Variants in RTEL1 observed in about 807,000 individuals in gnomAD.
RTEL1 encodes regulator of telomere elongation helicase 1.
RTEL1 carries 86 observed loss-of-function variants against 162.2 expected under a neutral mutation model. The ratio of observed to expected loss-of-function variants is 0.53; its 90% CI spans 0.45 to 0.63. The LOEUF (loss-of-function observed/expected upper bound fraction) is 0.63, where lower values mean the gene tolerates loss of function less well. Ranked by LOEUF, RTEL1 falls within the 30% of genes least tolerant of loss-of-function variation. The pLI is 0.00. For synonymous variants in RTEL1, 958 were observed against 717.9 expected (o/e 1.33, Z -5.35); for missense variants, 1,941 against 1,750.2 (o/e 1.11, Z -1.95).
At chr20:63,667,867 C>T (rs2146177370) in intron 8 of RTEL1, among the ~76,000 whole-genome samples, 1 of 152,192 alleles carries the variant, frequency 6.6e-6, no homozygotes, top group East Asian at 1.9e-4. Flanking sequence ...TCACGTCAGG[C>T]CATGGGAGGC....
intron 8 of RTEL1, among the ~76,000 whole-genome samples, chr20:63,670,938 G>A (rs2090229350): frequency 2.0e-5 from 3 of 152,224 alleles, no homozygotes; most frequent in Admixed American, 1.3e-4. Context: ...TGGACAGACC[G>A]TGGTACCCGA....
chr20:63,693,958 C>T (rs758784992), intron 30 of RTEL1, among the ~76,000 whole-genome samples: 14 of 151,488 alleles, frequency 9.2e-5, no homozygotes, highest in Admixed American at 2.0e-4. Flanking sequence ...CCTGTTTCTG[C>T]CTCTGTTTGG....
In RTEL1 at chr20:63,690,932, C is replaced by T; in HGVS notation, c.2541C>T (p.Ser847=). 3 of 1,554,580 alleles carry T rather than the reference C, an allele frequency of 1.9e-6. No homozygotes were observed. The highest frequency in any genetic ancestry group is 2.6e-6 in the Non-Finnish European group (3 of 1,149,780). Reference sequence around the variant, plus strand: ...AGCACAGCGAACAGCGGGCGGGGAGCCCTGGCGAGGAGCAGGTACAGTTCC... The same window carrying T: ...AGCACAGCGAACAGCGGGCGGGGAGTCCTGGCGAGGAGCAGGTACAGTTCC... The part of the protein sequence containing the change: ...ALEHSEQRAG[S]PGEEQAHSCS... The change falls in exon 27 of 35, where the codon AGC becomes AGT. Residue 847 remains serine, a synonymous_variant. Transcript: ENST00000360203.
rs563508609 is a variant in RTEL1, at chr20:63,668,756, C to T, written c.699+1203C>T. ...GCTTCTAACCCAACCAGGCCCCTCC[C>T]TGGGACAGTTATATCACAGCTGGTA... On this transcript the variant is annotated intron_variant, in intron 8 of 34. Transcript: ENST00000360203. This position sits in a 1 kb window ranked among gnomAD's most constrained non-coding sequence, Gnocchi z 4.3. Among the ~76,000 whole-genome samples, 2 of 152,312 alleles carry T rather than the reference C, an allele frequency of 1.3e-5. No homozygotes were observed. The highest frequency in any genetic ancestry group is 2.4e-5 in the African/African-American group (1 of 41,570).
intron 28 of RTEL1, chr20:63,692,579 G>C (rs2090775852): frequency 1.7e-6 from 1 of 588,946 alleles, no homozygotes; most frequent in Admixed American, 3.0e-5. Flanking sequence ...ACTGCTCTCA[G>C]TTCCCTGCCA....
intron 14 of RTEL1, 46 bp from the exon 15 acceptor site, chr20:63,685,477 G>T (rs2090571822): frequency 6.3e-7 from 1 of 1,590,974 alleles, no homozygotes; most frequent in Admixed American, 1.7e-5. Flanking sequence ...CAGAAAGTCG[G>T]GTGGCCTCAG....
intron 10 of RTEL1, among the ~76,000 whole-genome samples, chr20:63,676,800 T>C: frequency 6.6e-6 from 1 of 152,134 alleles, no homozygotes; most frequent in Non-Finnish European, 1.5e-5. Flanking sequence ...CCAGGTGTGG[T>C]GGTGCATGCT....
intron 4 of RTEL1, chr20:63,662,337 G>T: frequency 1.1e-6 from 1 of 917,162 alleles, no homozygotes; most frequent in Non-Finnish European, 1.7e-6. Flanking sequence ...CCAGTGGCAG[G>T]GTGCTGTGGA....
chr20:63,693,448 G>GCACCACCTCCACCACCTCCAC lies in RTEL1; in HGVS notation c.2992+178_2992+179insACCTCCACCACCACCTCCACC, dbSNP rs1379959287. ...TCCACCTCCACCACCAGCACCAGCA[G>GCACCACCTCCACCACCTCCAC]CACCACCTCCACCTCCACCTCCACC... On this transcript the variant is annotated intron_variant, in intron 30 of 34. Coordinates refer to ENST00000360203, the MANE Select transcript of RTEL1 (RefSeq NM_001283009.2). Among the ~76,000 whole-genome samples, 2 of 42,320 alleles carry GCACCACCTCCACCACCTCCAC rather than the reference G, an allele frequency of 4.7e-5. 1 individual carries two copies. The highest frequency in any genetic ancestry group is 1.9e-4 in the African/African-American group (2 of 10,428). The allele number at this position is 42,320 out of a possible 152,430, so 27.8% of individuals were successfully genotyped here.
At position 63,693,766 on chromosome 20, in the gene RTEL1, C is replaced by G. The variant is rs550073234; in HGVS notation, c.2992+483C>G. 1.4e-4 allele frequency among the ~76,000 whole-genome samples: 17 copies of G among 125,012 alleles called. No individual in the cohort carries two copies. In the South Asian group the frequency reaches 4.1e-3, roughly 30 times the overall value. 82.0% of individuals were successfully genotyped at this position (125,012 alleles called of 152,430 possible). A position where few individuals can be genotyped will look rare whatever the true frequency, so the allele number is the denominator to read the frequency against. ...ACCACCACCACCACCTCCACCTCCA[C>G]CAGCAGCAGCATCACTTGTTGGGGA... On this transcript the variant is annotated intron_variant, in intron 30 of 34. Coordinates refer to ENST00000360203, the MANE Select transcript of RTEL1 (RefSeq NM_001283009.2).
intron 30 of RTEL1, among the ~76,000 whole-genome samples, 155 bp downstream of exon 30, chr20:63,693,438 A>ACCT (rs1568719697): frequency 7.6e-6 from 1 of 131,514 alleles, no homozygotes; most frequent in East Asian, 2.2e-4. Flanking sequence ...CTCCACCACC[A>ACCT]GCACCAGCAG....
Position 63,676,717 on chromosome 20 carries a change from C to T in RTEL1, c.920-1428C>T, listed in dbSNP as rs151287478. On this transcript the variant is annotated intron_variant, in intron 10 of 34. Coordinates refer to ENST00000360203, the MANE Select transcript of RTEL1 (RefSeq NM_001283009.2). ...TTGGGAGGCCCAGGCAGGCGGATCA[C>T]GAGGTCAGAGATTGAGACCATCCTG... Among the ~76,000 whole-genome samples, 390 of 152,268 alleles carry T rather than the reference C, an allele frequency of 2.6e-3. 1 individual carries two copies. Among genetic ancestry groups the T allele is most frequent in the African/African-American group, 8.3e-3 (344 of 41,562 alleles).
rs1446888958 is a variant in RTEL1, at chr20:63,661,654, G to A, written c.301+158G>A. On this transcript the variant is annotated intron_variant, in intron 3 of 34. Transcript: ENST00000360203. The surrounding 1 kb of genome is among the most constrained non-coding windows in gnomAD (Gnocchi z 5.1). ...TGTATAATTTCTCGCCATCGTGGGT[G>A]TAAACCTAGGGTTGGGCTTTTTTGC... 7.4e-6 allele frequency: 7 copies of A among 948,704 alleles called. No homozygotes were observed. Among genetic ancestry groups the A allele is most frequent in the African/African-American group, 3.3e-5 (2 of 60,674 alleles). 58.8% of individuals were successfully genotyped at this position (948,704 alleles called of 1,614,324 possible).
At chr20:63,685,633 C>T (rs780835400) in intron 15 of RTEL1, 36 bp downstream of exon 15, 1 of 1,598,552 alleles carries the variant, frequency 6.3e-7, no homozygotes, top group South Asian at 1.1e-5. Flanking sequence ...TGGAGGGCAG[C>T]CCTTGTTCCC....
rs761756257 is a variant in RTEL1 at position 63,690,445 on chromosome 20, C to T, written c.2413+4C>T. ...AGCCTGAAGCAGAGGTCCTCAGGTG[C>T]GGACGGGCAGCGCTGGGTGGGCGGT... On this transcript the variant is annotated splice_donor_region_variant and intron_variant, in intron 26 of 34. Transcript: ENST00000360203. 1.1e-4 allele frequency: 141 copies of T among 1,239,986 alleles called. 1 individual carries two copies. Among genetic ancestry groups the T allele is most frequent in the Admixed American group, 2.3e-4 (11 of 47,456 alleles). 76.8% of individuals were successfully genotyped at this position (1,239,986 alleles called of 1,614,324 possible).
chr20:63,662,513 T>G, intron 4 of RTEL1, 33 bp from the exon 5 acceptor site: 1 of 1,612,356 alleles, frequency 6.2e-7, no homozygotes. Flanking sequence ...TGGAGACAGC[T>G]CCTCCTCGAC....
intron 4 of RTEL1, 180 bp from the exon 5 acceptor site, chr20:63,662,366 C>A: frequency 7.8e-7 from 1 of 1,277,790 alleles, no homozygotes; most frequent in South Asian, 1.3e-5. Flanking sequence ...AATCTCCTCC[C>A]TCTGTCCAGT....
intron 14 of RTEL1, chr20:63,681,693 G>T: frequency 1.0e-6 from 1 of 985,368 alleles, no homozygotes; most frequent in East Asian, 1.1e-4. Flanking sequence ...GGCGAGACCT[G>T]GGCAGGGACC....
At chr20:63,688,790 C>T (rs775042371) in intron 21 of RTEL1, 185 bp downstream of exon 21, 42 of 645,512 alleles carry the variant, frequency 6.5e-5, no homozygotes, top group Admixed American at 2.9e-4. Flanking sequence ...CCCCCAGCAC[C>T]GGGTGGGTGT....
Sources: gnomAD v4.1 joint callset for allele counts (sites outside exome capture counted in the v4.1 genomes callset) on GRCh38, gnomAD v4.1.1 for gene constraint, Gnocchi (gnomAD v3.1) non-coding constraint, MANE v1.5 for transcripts, NCBI Gene and HGNC (gene_info 2026-07-23, HGNC 2026-07-21) for gene names.